Variants in PRKCQ observed in about 807,000 individuals in gnomAD.
The protein encoded by PRKCQ is protein kinase C theta.
Under a neutral mutation model 91.2 loss-of-function variants are expected in PRKCQ, and 41 were observed. The observed-to-expected ratio is 0.45, with a 90% CI of 0.35 to 0.58. PRKCQ has a LOEUF of 0.58. Among genes scored for constraint, PRKCQ ranks in the 20% least tolerant of loss-of-function variants. The probability of loss-of-function intolerance (pLI) is 0.00; values close to 1 mark genes in which losing one functional copy is unlikely to be tolerated. For missense variants in PRKCQ, 673 were observed against 896.5 expected (o/e 0.75, Z 3.18); for synonymous variants, 307 against 316.9 (o/e 0.97, Z 0.33).
downstream of PRKCQ, among the ~76,000 whole-genome samples, chr10:6,425,834 ATAG>A (rs1410956899): frequency 6.6e-6 from 1 of 152,152 alleles, no homozygotes; most frequent in Admixed American, 6.6e-5. Flanking sequence ...CAAATGATGA[ATAG>A]ACCTTATTTT....
chr10:6,472,410 T>C (rs1414959085), intron 12 of PRKCQ, among the ~76,000 whole-genome samples: 2 of 152,268 alleles, frequency 1.3e-5, no homozygotes, highest in Admixed American at 6.5e-5. Flanking sequence ...TTCCTGAATA[T>C]GTATTCACTC....
chr10:6,444,945 G>A (rs541800869), intron 15 of PRKCQ, among the ~76,000 whole-genome samples: 20 of 151,908 alleles, frequency 1.3e-4, no homozygotes, highest in East Asian at 1.2e-3. Context: ...CCAACATGGC[G>A]AAACCCCGTC....
At position 6,511,183 on chromosome 10, in the gene PRKCQ, T is replaced by C. The variant is rs184174186; in HGVS notation, c.130A>G (p.Met44Val). The stretch of plus-strand genomic sequence containing the variant: ...ATGGTAGGCTTTTTCTGGATATACA[T>C]CTGCCCGTTCTCTAGGAACAGAAAC... The part of the protein sequence containing the change: ...KEYVESENGQ[M>V]YIQKKPTMYP... The change falls in exon 3 of 18, where the codon ATG (methionine) becomes GTG (valine). Residue 44 changes from methionine (M) to valine (V), a missense_variant. Physicochemically the swap from Met to Val is conservative, Grantham distance 21. Transcript: ENST00000263125. 104 of 1,613,988 alleles carry C rather than the reference T, an allele frequency of 6.4e-5. 1 individual carries two copies. Among genetic ancestry groups the C allele is most frequent in the Middle Eastern group, 3.3e-4 (2 of 6,024 alleles).
chr10:6,552,313 T>G (rs1032765395), intron 1 of PRKCQ, among the ~76,000 whole-genome samples: 7 of 152,202 alleles, frequency 4.6e-5, no homozygotes, highest in Non-Finnish European at 8.8e-5. Context: ...ATACAGCATG[T>G]TTTACTAGTT....
intron 1 of PRKCQ, among the ~76,000 whole-genome samples, chr10:6,563,206 CGTAA>C (rs1840700661): frequency 6.6e-6 from 1 of 151,746 alleles, no homozygotes; most frequent in African/African-American, 2.4e-5. Flanking sequence ...GATTTCAGAG[CGTAA>C]GTCTCACAGT....
rs1311080719 is a variant in PRKCQ, at chr10:6,511,112, T to C, written c.201A>G (p.Gly67=). Residue 67 remains glycine (G), a synonymous_variant, in exon 3 of 18, where the codon GGA becomes GGG. Coordinates refer to ENST00000263125, the MANE Select transcript of PRKCQ (RefSeq NM_006257.5). ...CTTTCACAATGATCTGCATGACTCTTCCCTTGTTGATATGGGCATCAAAAG... is the reference window on the plus strand; with the variant it reads ...CTTTCACAATGATCTGCATGACTCTCCCCTTGTTGATATGGGCATCAAAAG... The part of the protein sequence containing the change: ...DSTFDAHINK[G]RVMQIIVKGK... The C allele has an allele frequency of 6.2e-7, 1 of 1,614,028 alleles. No homozygotes were observed. The highest frequency in any genetic ancestry group is 1.3e-5 in the African/African-American group (1 of 74,898).
rs943706431 is a variant in PRKCQ at position 6,576,945 on chromosome 10, G to C, written c.-10+3266C>G. 6.6e-6 allele frequency among the ~76,000 whole-genome samples: 1 copy of C among 152,142 alleles called. No individual in the cohort carries two copies. Among genetic ancestry groups the C allele is most frequent in the African/African-American group, 2.4e-5 (1 of 41,412 alleles). ...AGGCTTTTGGAGGTTAAATGAAGCA[G>C]TAATGCCTCTTACATATAAATAAAA... On this transcript the variant is annotated intron_variant, in intron 1 of 17. Coordinates refer to ENST00000263125, the MANE Select transcript of PRKCQ (RefSeq NM_006257.5). This position sits in a 1 kb window ranked among gnomAD's most constrained non-coding sequence, Gnocchi z 4.2.
chr10:6,486,165 A>G, intron 8 of PRKCQ, 21 bp from the exon 9 acceptor site: 1 of 1,588,802 alleles, frequency 6.3e-7, no homozygotes, highest in Non-Finnish European at 8.6e-7. Flanking sequence ...GAAGGCAGAT[A>G]GTGAGCAAGA....
downstream of PRKCQ, among the ~76,000 whole-genome samples, chr10:6,422,584 T>C (rs1046972959): frequency 3.3e-5 from 5 of 152,146 alleles, no homozygotes; most frequent in Admixed American, 2.0e-4. Context: ...ATGGAGACAA[T>C]GATGCTGTCC....
Position 6,479,155 on chromosome 10 carries a change from G to A in PRKCQ, c.1190C>T (p.Ala397Val). The A allele has an allele frequency of 6.2e-7, 1 of 1,613,876 alleles. No individual in the cohort carries two copies. Among genetic ancestry groups the A allele is most frequent in the African/African-American group, 1.3e-5 (1 of 75,006 alleles). Reference sequence around the variant, plus strand: ...AAATTGATTGGTTTTCTTGAATTCTGCCAGGAAGACCTAGAAGGAGAGGGA... The same window carrying A: ...AAATTGATTGGTTTTCTTGAATTCTACCAGGAAGACCTAGAAGGAGAGGGA... Reference protein sequence around the residue: ...GKGSFGKVFLAEFKKTNQFFA... With the variant: ...GKGSFGKVFLVEFKKTNQFFA... The change falls in exon 12 of 18, where the codon GCA becomes GTA. Residue 397 changes from alanine to valine, a missense_variant. Physicochemically the swap from Ala to Val is moderately conservative, Grantham distance 64. Transcript: ENST00000263125.
intron 16 of PRKCQ, among the ~76,000 whole-genome samples, chr10:6,440,402 T>C (rs545831582): frequency 6.6e-6 from 1 of 152,348 alleles, no homozygotes; most frequent in African/African-American, 2.4e-5. Flanking sequence ...AGGATAAGTA[T>C]TTCTGCAGAA....
At chr10:6,500,859 T>A (rs1238149596) in intron 4 of PRKCQ, among the ~76,000 whole-genome samples, 1 of 152,158 alleles carries the variant, frequency 6.6e-6, no homozygotes, top group Non-Finnish European at 1.5e-5. Flanking sequence ...CACCCTTGCA[T>A]GGCTAACAGT....
At chr10:6,533,938 C>T (rs1393609784) in intron 1 of PRKCQ, among the ~76,000 whole-genome samples, 1 of 152,122 alleles carries the variant, frequency 6.6e-6, no homozygotes, top group Admixed American at 6.6e-5. Flanking sequence ...AATAATTATG[C>T]CCTCTTGGAA....
intron 1 of PRKCQ, among the ~76,000 whole-genome samples, chr10:6,545,848 C>T (rs1439942145): frequency 6.6e-6 from 1 of 151,960 alleles, no homozygotes; most frequent in Non-Finnish European, 1.5e-5. Context: ...ACTAAAAATA[C>T]AAAAATTAGC....
chr10:6,557,543 A>G (rs369340583), intron 1 of PRKCQ, among the ~76,000 whole-genome samples: 62 of 152,258 alleles, frequency 4.1e-4, no homozygotes, highest in African/African-American at 1.3e-3. Flanking sequence ...ATTTTGGAAT[A>G]CATTTTGACT....
intron 3 of PRKCQ, among the ~76,000 whole-genome samples, chr10:6,508,290 A>G (rs1175164530): frequency 8.2e-6 from 1 of 122,648 alleles, no homozygotes; most frequent in East Asian, 2.6e-4. Flanking sequence ...ACCAAAAAGA[A>G]TAAGAAAGAA....
intron 15 of PRKCQ, among the ~76,000 whole-genome samples, chr10:6,454,711 A>T (rs1457512519): frequency 1.3e-5 from 2 of 152,106 alleles, no homozygotes; most frequent in African/African-American, 4.8e-5. Context: ...GGAGGTCTCA[A>T]GCAGGAAAGT....
intron 2 of PRKCQ, chr10:6,512,149 T>C (rs1236302355): frequency 1.3e-5 from 2 of 152,246 alleles, no homozygotes; most frequent in Non-Finnish European, 2.9e-5. Flanking sequence ...TTAAGAAATA[T>C]TTACATTTTT....
At chr10:6,526,767 G>A (rs186776514) in intron 1 of PRKCQ, among the ~76,000 whole-genome samples, 10 of 152,304 alleles carry the variant, frequency 6.6e-5, no homozygotes, top group East Asian at 1.9e-4. Context: ...GACACCGCCC[G>A]AGGGGTCTAC....
Sources: allele counts gnomAD v4.1 joint callset (sites outside exome capture counted in the v4.1 genomes callset), GRCh38; gene constraint gnomAD v4.1.1; non-coding constraint Gnocchi (gnomAD v3.1); transcripts MANE v1.5; gene names NCBI Gene and HGNC (gene_info 2026-07-23, HGNC 2026-07-21).